Variants in TMEM106B observed in about 807,000 individuals in gnomAD.
TMEM106B encodes the protein transmembrane protein 106B.
A neutral mutation model predicts 31.1 loss-of-function variants in TMEM106B; 15 were observed. That is an observed-to-expected ratio of 0.48 (90% CI 0.32 to 0.74). The LOEUF (loss-of-function observed/expected upper bound fraction) is 0.74. Among genes scored for constraint, TMEM106B ranks in the 30% least tolerant of loss-of-function variants. TMEM106B has a pLI of 0.03. For missense variants in TMEM106B, 283 were observed against 327.3 expected (o/e 0.86, Z 1.04); for synonymous variants, 126 against 112.5 (o/e 1.12, Z -0.76).
In TMEM106B at chr7:12,239,781, C is replaced by G. The variant is rs568866216; in HGVS notation, c.*7806C>G. ...TTCACTGCCTTACATGGGTATGGTT[C>G]ATGCTGCCTCCAAATACTTACAAAA... On this transcript the variant is annotated 3_prime_UTR_variant, in exon 8 of 8. Transcript: ENST00000396668. The G allele has an allele frequency of 6.6e-6, 1 of 152,090 alleles. No individual in the cohort carries two copies. Among genetic ancestry groups the G allele is most frequent in the African/African-American group, 2.4e-5 (1 of 41,428 alleles). The allele number at this position is 152,090 out of a possible 1,614,324, so 9.4% of individuals were successfully genotyped here.
At chr7:12,231,646 GCTCA>G (rs1029925225) in intron 7 of TMEM106B, 187 bp from the exon 8 acceptor site, 2 of 464,820 alleles carry the variant, frequency 4.3e-6, no homozygotes, top group Non-Finnish European at 7.7e-6. Flanking sequence ...TGTCTACAGG[GCTCA>G]CTCAGCTATC....
At chr7:12,226,750 G>A (rs976964288) in intron 4 of TMEM106B, among the ~76,000 whole-genome samples, 3 of 151,966 alleles carry the variant, frequency 2.0e-5, no homozygotes, top group South Asian at 2.1e-4. Flanking sequence ...AAAAGTTGCC[G>A]GTTTAAGGGC....
At chr7:12,225,385 G>T (rs1257575314) in intron 4 of TMEM106B, among the ~76,000 whole-genome samples, 1 of 152,156 alleles carries the variant, frequency 6.6e-6, no homozygotes, top group Non-Finnish European at 1.5e-5. Context: ...TATATACCCA[G>T]TAATGGGATT....
chr7:12,214,390 C>T (rs1230243990), intron 1 of TMEM106B: 1 of 155,224 alleles, frequency 6.4e-6, no homozygotes, highest in Non-Finnish European at 1.4e-5. Flanking sequence ...ACTTCAACTC[C>T]TCAGGTAGAG....
chr7:12,242,242 G>A lies in TMEM106B; in HGVS notation c.*10267G>A, dbSNP rs1429942978. 1.5e-4 allele frequency: 14 copies of A among 94,116 alleles called. 2 individuals carry two copies. The highest frequency in any genetic ancestry group is 2.5e-4 in the African/African-American group (4 of 16,166). 5.8% of individuals were successfully genotyped at this position (94,116 alleles called of 1,614,324 possible). A position where few individuals can be genotyped will look rare whatever the true frequency, so the allele number is the denominator to read the frequency against. On this transcript the variant is annotated 3_prime_UTR_variant, in exon 8 of 8. Transcript: ENST00000396668. ...CAAAAAATTAGCCGGGCGCGGTGGC[G>A]GGCGCCTGTAGTCCCAGCTACTCGG...
intron 1 of TMEM106B, 69 bp from the exon 2 acceptor site, chr7:12,214,740 A>T: frequency 8.2e-7 from 1 of 1,214,784 alleles, no homozygotes; most frequent in South Asian, 1.5e-5. Context: ...ATTAGTGTAA[A>T]TATCTCAGAG....
chr7:12,212,724 C>CT lies in TMEM106B; in HGVS notation c.-3+1300dup, dbSNP rs1781605005. Among the ~76,000 whole-genome samples the CT allele has an allele frequency of 1.3e-5, 2 of 152,162 alleles. 1 individual carries two copies. Among genetic ancestry groups the CT allele is most frequent in the South Asian group, 4.1e-4 (2 of 4,834 alleles). ...GTCAGAGCCCTTAGTGCATCCAGCA[C>CT]TGGAGCAACACACATTGTACCCACC... is the stretch of plus-strand genomic sequence containing the variant. On this transcript the variant is annotated intron_variant, in intron 1 of 7. Coordinates refer to ENST00000396668, the MANE Select transcript of TMEM106B (RefSeq NM_001134232.2).
chr7:12,241,947 C>G lies in TMEM106B; in HGVS notation c.*9972C>G, dbSNP rs1310556402. On this transcript the variant is annotated 3_prime_UTR_variant, in exon 8 of 8. Transcript: ENST00000396668. Reference sequence around the variant, plus strand: ...ACTTAATGATTGCCATTCTAACTGGCGTGAGATGGTTTCTCACTGTGGTTT... The same window carrying G: ...ACTTAATGATTGCCATTCTAACTGGGGTGAGATGGTTTCTCACTGTGGTTT... 1.3e-5 allele frequency: 2 copies of G among 152,210 alleles called. No individual in the cohort carries two copies. Among genetic ancestry groups the G allele is most frequent in the South Asian group, 4.1e-4 (2 of 4,822 alleles). The allele number at this position is 152,210 out of a possible 1,614,324, so 9.4% of individuals were successfully genotyped here.
At chr7:12,212,253 G>A (rs994507886) in intron 1 of TMEM106B, among the ~76,000 whole-genome samples, 1 of 152,132 alleles carries the variant, frequency 6.6e-6, no homozygotes, top group Admixed American at 6.5e-5. Context: ...GCAGCTTACA[G>A]CCTGGCTGTG....
At chr7:12,216,284 G>A (rs932689395) in intron 2 of TMEM106B, among the ~76,000 whole-genome samples, 1 of 152,014 alleles carries the variant, frequency 6.6e-6, no homozygotes, top group South Asian at 2.1e-4. Flanking sequence ...CCTGGATACA[G>A]ATTATGGAAA....
At chr7:12,215,885 G>A (rs6460902) in intron 2 of TMEM106B, 82,982 of 161,748 alleles carry the variant, frequency 0.51, 22,800 homozygotes, top group African/African-American at 0.71. Context: ...ATAATCCCCT[G>A]TGTGCTGCTT....
rs992594595 is a variant in TMEM106B at position 12,231,825 on chromosome 7, C to T, written c.687-12C>T. The T allele has an allele frequency of 5.7e-6, 9 of 1,584,918 alleles. No homozygotes were observed. Among genetic ancestry groups the T allele is most frequent in the South Asian group, 4.6e-5 (4 of 87,670 alleles). ...ACTATTAAATGTCTCTCCTCACTTA[C>T]ATTATTTTTAGAGTTACTGTGACAA... On this transcript the variant is annotated splice_polypyrimidine_tract_variant and intron_variant, in intron 7 of 7. Transcript: ENST00000396668.
intron 1 of TMEM106B, among the ~76,000 whole-genome samples, chr7:12,212,311 C>A (rs1425256112): frequency 6.6e-6 from 1 of 152,100 alleles, no homozygotes; most frequent in South Asian, 2.1e-4. Flanking sequence ...GCTGATAAGG[C>A]CCAATGATCC....
In TMEM106B at chr7:12,235,272, T is replaced by G. The variant is rs893480149; in HGVS notation, c.*3297T>G. 1 of 152,316 alleles carries G rather than the reference T, an allele frequency of 6.6e-6. No homozygotes were observed. The highest frequency in any genetic ancestry group is 1.5e-5 in the Non-Finnish European group (1 of 67,816). 9.4% of individuals were successfully genotyped at this position (152,316 alleles called of 1,614,324 possible). A position where few individuals can be genotyped will look rare whatever the true frequency, so the allele number is the denominator to read the frequency against. ...GAAATTATTTATAAATAATAGAGAT[T>G]AATTTATTTGAGATTTGAAATAAGA... On this transcript the variant is annotated 3_prime_UTR_variant, in exon 8 of 8. Transcript: ENST00000396668.
intron 4 of TMEM106B, among the ~76,000 whole-genome samples, chr7:12,224,614 C>G (rs1158628818): frequency 6.9e-6 from 1 of 144,194 alleles, no homozygotes; most frequent in Non-Finnish European, 1.5e-5. Flanking sequence ...TTGAAAATGT[C>G]TTTAGGAGGG....
chr7:12,228,108 G>A (rs7809700), intron 4 of TMEM106B, among the ~76,000 whole-genome samples: 76,564 of 151,448 alleles, frequency 0.51, 20,480 homozygotes, highest in African/African-American at 0.67. Flanking sequence ...TAGATAAAAT[G>A]TTTATATATT....
At chr7:12,221,389 C>T (rs1230253939) in intron 3 of TMEM106B, among the ~76,000 whole-genome samples, 1 of 152,046 alleles carries the variant, frequency 6.6e-6, no homozygotes, top group Non-Finnish European at 1.5e-5. Context: ...AAATTTTATA[C>T]TTAAATAAGT....
Position 12,224,347 on chromosome 7 carries a change from TATG to T in TMEM106B, c.407_409del (p.Asp136del). The T allele has an allele frequency of 6.2e-7, 1 of 1,613,908 alleles. No individual in the cohort carries two copies. Among genetic ancestry groups the T allele is most frequent in the Non-Finnish European group, 8.5e-7 (1 of 1,179,806 alleles). On this transcript the variant is annotated inframe_deletion, in exon 4 of 8. Transcript: ENST00000396668. Reference sequence around the variant, plus strand: ...TGGTGTAAAATCAGCCTATGTCAGTTATGATGTTCAGAAGCGTACAATTTATTT... The same window carrying T: ...TGGTGTAAAATCAGCCTATGTCAGTTATGTTCAGAAGCGTACAATTTATTT...
chr7:12,222,352 A>T (rs1781804574), intron 3 of TMEM106B, among the ~76,000 whole-genome samples: 1 of 152,198 alleles, frequency 6.6e-6, no homozygotes, highest in African/African-American at 2.4e-5. Context: ...GGAATGAAAT[A>T]CTAGATGGAA....
Sources: allele counts gnomAD v4.1 joint callset (sites outside exome capture counted in the v4.1 genomes callset), GRCh38; gene constraint gnomAD v4.1.1; transcripts MANE v1.5; gene names NCBI Gene and HGNC (gene_info 2026-07-23, HGNC 2026-07-21).